Variants in SLC5A1 observed in about 807,000 individuals in gnomAD.
SLC5A1 encodes solute carrier family 5 member 1.
A neutral mutation model predicts 73.5 loss-of-function variants in SLC5A1; 42 were observed. The observed-to-expected ratio is 0.57, with a 90% CI of 0.45 to 0.74. The LOEUF (loss-of-function observed/expected upper bound fraction) is 0.74. Ranked by LOEUF, SLC5A1 falls within the 30% of genes least tolerant of loss-of-function variation. The pLI is 0.00. For synonymous variants in SLC5A1, 300 were observed against 317.4 expected (o/e 0.95, Z 0.58); for missense variants, 634 against 855.4 (o/e 0.74, Z 3.23).
At chr22:32,100,410 G>A (rs1207786161) in intron 12 of SLC5A1, among the ~76,000 whole-genome samples, 2 of 152,090 alleles carry the variant, frequency 1.3e-5, no homozygotes, top group Non-Finnish European at 2.9e-5. Flanking sequence ...TCTTTTTCCA[G>A]ATCTTACCGG....
chr22:32,099,690 G>A (rs1287321981), intron 12 of SLC5A1, among the ~76,000 whole-genome samples: 5 of 152,130 alleles, frequency 3.3e-5, no homozygotes, highest in South Asian at 4.2e-4. Context: ...GCCTCCCAAA[G>A]TACTAGGATT....
chr22:32,058,303 C>CTTGA (rs2093954973), intron 2 of SLC5A1, among the ~76,000 whole-genome samples: 1 of 152,308 alleles, frequency 6.6e-6, no homozygotes, highest in Admixed American at 6.5e-5. Flanking sequence ...GGGAGGAAAG[C>CTTGA]TTGAGGTCAG....
Position 32,100,279 on chromosome 22 carries a change from T to C in SLC5A1, c.1449+928T>C, listed in dbSNP as rs142719479. On this transcript the variant is annotated intron_variant, in intron 12 of 14. Transcript: ENST00000266088. The stretch of plus-strand genomic sequence containing the variant: ...TTTCTAAATATGAGATCATATCATA[T>C]GTAAATGAGGCCAATTTGACTTCTT... 3.1e-3 allele frequency among the ~76,000 whole-genome samples: 477 copies of C among 152,340 alleles called. 1 individual carries two copies. Among genetic ancestry groups the C allele is most frequent in the Middle Eastern group, 6.8e-3 (2 of 294 alleles).
At chr22:32,088,872 A>G (rs1356877938) in intron 10 of SLC5A1, among the ~76,000 whole-genome samples, 2 of 152,116 alleles carry the variant, frequency 1.3e-5, no homozygotes, top group East Asian at 3.9e-4. Flanking sequence ...TCCACTCAGC[A>G]AGTAGGTGAT....
chr22:32,101,850 A>G (rs574516732), intron 12 of SLC5A1, among the ~76,000 whole-genome samples, 172 bp from the exon 13 acceptor site: 19 of 152,274 alleles, frequency 1.2e-4, no homozygotes, highest in African/African-American at 3.6e-4. Flanking sequence ...GTCTGAGTGC[A>G]TAGCACTCCT....
chr22:32,053,818 A>G (rs2093948132), intron 2 of SLC5A1, among the ~76,000 whole-genome samples: 1 of 152,202 alleles, frequency 6.6e-6, no homozygotes, highest in Non-Finnish European at 1.5e-5. Context: ...ATACATGTAA[A>G]TCTCTTAGGA....
intron 3 of SLC5A1, 94 bp downstream of exon 3, chr22:32,067,133 G>A: frequency 9.3e-7 from 1 of 1,072,872 alleles, no homozygotes; most frequent in South Asian, 1.3e-5. Flanking sequence ...AAGATGTTAG[G>A]GAACCCTTCA....
intron 1 of SLC5A1, among the ~76,000 whole-genome samples, chr22:32,046,369 C>CTT (rs130263): frequency 0.046 from 6,740 of 145,358 alleles, 213 homozygotes; most frequent in Non-Finnish European, 0.072. Flanking sequence ...TTCCTTTGCT[C>CTT]TTTTTTTTTT....
chr22:32,093,197 T>TG (rs2094020869), intron 11 of SLC5A1, among the ~76,000 whole-genome samples: 2 of 152,234 alleles, frequency 1.3e-5, no homozygotes, highest in Admixed American at 1.3e-4. Flanking sequence ...GCTGTTTTGG[T>TG]GGCTCTGGCC....
intron 5 of SLC5A1, among the ~76,000 whole-genome samples, chr22:32,069,224 C>T (rs527311875): frequency 6.6e-6 from 1 of 152,098 alleles, no homozygotes; most frequent in African/African-American, 2.4e-5. Flanking sequence ...AAAAAGTTAA[C>T]TCAGAAGCAG....
intron 2 of SLC5A1, among the ~76,000 whole-genome samples, chr22:32,064,817 G>T (rs1320000926): frequency 1.3e-5 from 2 of 152,258 alleles, no homozygotes; most frequent in Admixed American, 6.5e-5. Context: ...CCAGCTGGTT[G>T]TTCTATTTTC....
intron 14 of SLC5A1, among the ~76,000 whole-genome samples, chr22:32,107,434 C>G (rs550157482): frequency 7.6e-4 from 115 of 152,280 alleles, no homozygotes; most frequent in South Asian, 1.9e-3. Flanking sequence ...TCAGGAAGAA[C>G]TGGGATTTAA....
intron 5 of SLC5A1, among the ~76,000 whole-genome samples, chr22:32,078,282 C>CT (rs201494049): frequency 0.011 from 1,728 of 151,156 alleles, 26 homozygotes; most frequent in African/African-American, 0.039. Context: ...ATTTGTTTTT[C>CT]TTTTTTTTTG....
At chr22:32,045,638 T>C (rs1275781940) in intron 1 of SLC5A1, among the ~76,000 whole-genome samples, 1 of 152,238 alleles carries the variant, frequency 6.6e-6, no homozygotes, top group Non-Finnish European at 1.5e-5. Flanking sequence ...TCCAACATTA[T>C]TTGGTTCTGT....
At chr22:32,053,013 T>C (rs2093947052) in intron 2 of SLC5A1, among the ~76,000 whole-genome samples, 1 of 152,138 alleles carries the variant, frequency 6.6e-6, no homozygotes, top group Non-Finnish European at 1.5e-5. Flanking sequence ...AGAGAAAAAT[T>C]GTTGTTGTTT....
Position 32,045,781 on chromosome 22 carries a change from T to C in SLC5A1, c.135+2365T>C, listed in dbSNP as rs569384446. Among the ~76,000 whole-genome samples the C allele has an allele frequency of 1.7e-4, 26 of 152,374 alleles. No homozygotes were observed. In the South Asian group the frequency reaches 5.4e-3, roughly 32 times the overall value. On this transcript the variant is annotated intron_variant, in intron 1 of 14. Transcript: ENST00000266088. ...TAGGGAATTCTATATCCTTTGAAGC[T>C]GGATCTCTGACCTTATTCTTCCTGG... is the stretch of plus-strand genomic sequence containing the variant.
At position 32,102,138 on chromosome 22, in the gene SLC5A1, T is replaced by C; in HGVS notation, c.1566T>C (p.Cys522=). 1 of 1,614,070 alleles carries C rather than the reference T, an allele frequency of 6.2e-7. No homozygotes were observed. The highest frequency in any genetic ancestry group is 8.5e-7 in the Non-Finnish European group (1 of 1,179,990). Residue 522 remains cysteine (C), a synonymous_variant, in exon 13 of 15, where the codon TGT becomes TGC. Coordinates refer to ENST00000266088, the MANE Select transcript of SLC5A1 (RefSeq NM_000343.4). ...MEPSNCPTII[C]GVHYLYFAII... is the part of the protein sequence containing the mutation. ...CCAGCAACTGTCCCACGATTATCTG[T>C]GGGGTGCACTACTTGTACTTTGCCA...
rs1045791303 is a variant in SLC5A1 at position 32,075,070 on chromosome 22, CTTTTTTT to C, written c.477+6488_477+6494del. Among the ~76,000 whole-genome samples the C allele has an allele frequency of 3.1e-3, 337 of 107,678 alleles. 1 individual carries two copies. Among genetic ancestry groups the C allele is most frequent in the African/African-American group, 0.01 (294 of 29,388 alleles). 70.6% of individuals were successfully genotyped at this position (107,678 alleles called of 152,430 possible). On this transcript the variant is annotated intron_variant, in intron 5 of 14. Transcript: ENST00000266088. Reference sequence around the variant, plus strand: ...TGCCACCATGCCCAGCTATTTTTTACTTTTTTTTTTTTTTTTTTTTTTTTAGAGATAG... The same window carrying C: ...TGCCACCATGCCCAGCTATTTTTTACTTTTTTTTTTTTTTTTTAGAGATAG...
Position 32,081,847 on chromosome 22 carries a change from GCCTCT to G in SLC5A1, c.478-10_478-6del. 1 of 1,557,152 alleles carries G rather than the reference GCCTCT, an allele frequency of 6.4e-7. No individual in the cohort carries two copies. The highest frequency in any genetic ancestry group is 8.9e-7 in the Non-Finnish European group (1 of 1,129,146). On this transcript the variant is annotated splice_polypyrimidine_tract_variant and intron_variant, in intron 5 of 14. Transcript: ENST00000266088. ...GCTGACCACTCTCCCTCCTAACTCC[GCCTCT>G]CCTCTCCTTCCAGGCAGACATCTTC...
Sources: gnomAD v4.1 joint callset for allele counts (sites outside exome capture counted in the v4.1 genomes callset) on GRCh38, gnomAD v4.1.1 for gene constraint, MANE v1.5 for transcripts, NCBI Gene and HGNC (gene_info 2026-07-23, HGNC 2026-07-21) for gene names.